Variants in KIRREL1 observed in about 807,000 individuals in gnomAD.
KIRREL1 encodes the protein kin of IRRE-like protein 1.
KIRREL1 carries 25 observed loss-of-function variants against 83.3 expected under a neutral mutation model. The observed-to-expected ratio is 0.30, with a 90% confidence interval of 0.22 to 0.42. The LOEUF (loss-of-function observed/expected upper bound fraction) is 0.42, where lower values mean the gene tolerates loss of function less well. Among genes scored for constraint, KIRREL1 ranks in the 10% least tolerant of loss-of-function variants. The probability of loss-of-function intolerance (pLI) is 1.00; values close to 1 mark genes in which losing one functional copy is unlikely to be tolerated. For missense variants in KIRREL1, 812 were observed against 1,032.3 expected (o/e 0.79, Z 2.92); for synonymous variants, 388 against 410.4 (o/e 0.95, Z 0.66).
intron 1 of KIRREL1, among the ~76,000 whole-genome samples, chr1:158,027,308 G>T (rs1221828276): frequency 6.6e-6 from 1 of 152,216 alleles, no homozygotes; most frequent in East Asian, 1.9e-4. Flanking sequence ...GAGCTTCCAT[G>T]CCTTCTCTGG....
chr1:158,047,937 A>C (rs1020371489), intron 1 of KIRREL1, among the ~76,000 whole-genome samples: 1 of 152,312 alleles, frequency 6.6e-6, no homozygotes, highest in African/African-American at 2.4e-5. Context: ...TGGTTTCTGC[A>C]AAAGAATCTG....
chr1:158,067,439 G>A (rs1481318616), intron 1 of KIRREL1, among the ~76,000 whole-genome samples: 1 of 152,180 alleles, frequency 6.6e-6, no homozygotes, highest in Non-Finnish European at 1.5e-5. Flanking sequence ...ATGGGCCCAG[G>A]TACACTAGTT....
At chr1:158,092,599 G>A (rs573428378) in intron 11 of KIRREL1, among the ~76,000 whole-genome samples, 11 of 152,092 alleles carry the variant, frequency 7.2e-5, no homozygotes, top group East Asian at 1.9e-4. Context: ...CACCCACCTC[G>A]GCCTCCCAAA....
intron 1 of KIRREL1, among the ~76,000 whole-genome samples, chr1:158,070,825 A>G (rs1661490653): frequency 6.6e-6 from 1 of 152,072 alleles, no homozygotes; most frequent in Non-Finnish European, 1.5e-5. Flanking sequence ...AGAAGCACAG[A>G]GCTGCCACGC....
chr1:158,078,099 AGGCCGCCCTGCGCTCTCGGCG>A lies in KIRREL1; in HGVS notation c.316_336del (p.Ala106_Ala112del). 1 of 1,613,770 alleles carries A rather than the reference AGGCCGCCCTGCGCTCTCGGCG, an allele frequency of 6.2e-7. No individual in the cohort carries two copies. The highest frequency in any genetic ancestry group is 8.5e-7 in the Non-Finnish European group (1 of 1,179,936). On this transcript the variant is annotated inframe_deletion, in exon 3 of 15. Coordinates refer to ENST00000359209, the MANE Select transcript of KIRREL1 (RefSeq NM_018240.7). ...GCCTCTTACGAGTGCCAGGCCACGG[AGGCCGCCCTGCGCTCTCGGCG>A]GGCCAAACTCACCGTGCTCAGTAAG...
At chr1:158,056,902 G>T (rs1397646137) in intron 1 of KIRREL1, among the ~76,000 whole-genome samples, 1 of 152,140 alleles carries the variant, frequency 6.6e-6, no homozygotes, top group African/African-American at 2.4e-5. Flanking sequence ...TTCTAAAACA[G>T]GGAAGGAGTC....
intron 1 of KIRREL1, among the ~76,000 whole-genome samples, chr1:158,069,966 A>T (rs1233631538): frequency 6.6e-6 from 1 of 152,184 alleles, no homozygotes; most frequent in East Asian, 1.9e-4. Flanking sequence ...TTTATGAATC[A>T]CCAAAACCTC....
At chr1:158,062,688 A>G (rs1488069035) in intron 1 of KIRREL1, among the ~76,000 whole-genome samples, 1 of 152,272 alleles carries the variant, frequency 6.6e-6, no homozygotes, top group Non-Finnish European at 1.5e-5. Flanking sequence ...AATGCAAACA[A>G]GGACACATGT....
chr1:158,016,729 T>C (rs1421394494), intron 1 of KIRREL1, among the ~76,000 whole-genome samples: 1 of 152,206 alleles, frequency 6.6e-6, no homozygotes, highest in African/African-American at 2.4e-5. Context: ...GATTTTTCCA[T>C]GGTTAATCTC....
intron 1 of KIRREL1, among the ~76,000 whole-genome samples, chr1:158,000,532 T>C (rs914447236): frequency 1.3e-5 from 2 of 152,238 alleles, no homozygotes; most frequent in Non-Finnish European, 2.9e-5. Context: ...CTACGTCTGA[T>C]TGTCAGACAA....
Position 158,093,339 on chromosome 1 carries a change from A to C in KIRREL1, c.1472A>C (p.Glu491Ala). The change falls in exon 12 of 15, where the codon GAG (glutamate) becomes GCG (alanine). Residue 491 changes from glutamate to alanine, a missense_variant and splice_region_variant. Coordinates refer to ENST00000359209, the MANE Select transcript of KIRREL1 (RefSeq NM_018240.7). ...GTAIIQLEER[E>A]VLPVGIIAGA... ...TCCACCTTTCCTTCCCCATCGAAAG[A>C]GGTGTTACCTGTGGGCATCATAGCT... is the stretch of plus-strand genomic sequence containing the variant. The C allele has an allele frequency of 6.2e-7, 1 of 1,613,148 alleles. No individual in the cohort carries two copies. The highest frequency in any genetic ancestry group is 1.3e-5 in the African/African-American group (1 of 75,052).
At position 158,084,423 on chromosome 1, in the gene KIRREL1, C is replaced by T. The variant is rs1023696560; in HGVS notation, c.354C>T (p.Ile118=). 1.8e-5 allele frequency: 28 copies of T among 1,549,006 alleles called. No homozygotes were observed. The highest frequency in any genetic ancestry group is 1.4e-4 in the African/African-American group (10 of 73,094). ...RSRRAKLTVL[I]PPEDTRIDGG... ...ACTTTGCTCTGCTTTCTCCCACAGT[C>T]CCCCCAGAGGACACCAGGATTGACG... is the stretch of plus-strand genomic sequence containing the variant. The change falls in exon 4 of 15, where the codon ATC becomes ATT. Residue 118 remains isoleucine (I), a splice_region_variant and synonymous_variant. Transcript: ENST00000359209.
rs1294414217 is a variant in KIRREL1 at position 158,098,808 on chromosome 1, T to C, written c.*3688T>C. 1 of 152,212 alleles carries C rather than the reference T, an allele frequency of 6.6e-6. No homozygotes were observed. The highest frequency in any genetic ancestry group is 1.5e-5 in the Non-Finnish European group (1 of 68,042). 9.4% of individuals were successfully genotyped at this position (152,212 alleles called of 1,614,324 possible). A position where few individuals can be genotyped will look rare whatever the true frequency, so the allele number is the denominator to read the frequency against. Reference sequence around the variant, plus strand: ...CTTCAAGCGGTACGCTCTCCCCTTATTCCAGCAGGGCTACTTTCCTCTTCA... The same window carrying C: ...CTTCAAGCGGTACGCTCTCCCCTTACTCCAGCAGGGCTACTTTCCTCTTCA... On this transcript the variant is annotated 3_prime_UTR_variant, in exon 15 of 15. Coordinates refer to ENST00000359209, the MANE Select transcript of KIRREL1 (RefSeq NM_018240.7).
chr1:158,040,652 C>T (rs1660598849), intron 1 of KIRREL1, among the ~76,000 whole-genome samples: 1 of 152,194 alleles, frequency 6.6e-6, no homozygotes, highest in Admixed American at 6.5e-5. Context: ...TTTTATAACA[C>T]AGAGCAGTTT....
chr1:158,033,064 C>T (rs1370117185), intron 1 of KIRREL1, among the ~76,000 whole-genome samples: 4 of 151,996 alleles, frequency 2.6e-5, no homozygotes, highest in Admixed American at 2.6e-4. Flanking sequence ...AGCCACTGCG[C>T]CCGGCCGGGA....
chr1:158,077,245 G>A (rs1661705643), intron 2 of KIRREL1, among the ~76,000 whole-genome samples: 1 of 152,144 alleles, frequency 6.6e-6, no homozygotes. Context: ...ATCCATATAA[G>A]GGAAAGAGAT....
Position 158,093,398 on chromosome 1 carries a change from T to C in KIRREL1, c.1531T>C (p.Phe511Leu), listed in dbSNP as rs773983248. The C allele has an allele frequency of 1.9e-6, 3 of 1,614,082 alleles. No homozygotes were observed. Among genetic ancestry groups the C allele is most frequent in the Admixed American group, 1.7e-5 (1 of 60,008 alleles). ...ATIGASILLI[F>L]FFIALVFFLY... ...CATCGGCGCGAGCATCCTGCTCATCTTCTTCTTCATCGCCTTGGTATTCTT... is the reference window on the plus strand; with the variant it reads ...CATCGGCGCGAGCATCCTGCTCATCCTCTTCTTCATCGCCTTGGTATTCTT... The change falls in exon 12 of 15, where the codon TTC (phenylalanine) becomes CTC (leucine). Residue 511 changes from phenylalanine (F) to leucine (L), a missense_variant. This residue lies in a region of KIRREL1 where 334 missense variants were observed against 383.7 expected (regional missense o/e 0.87). Coordinates refer to ENST00000359209, the MANE Select transcript of KIRREL1 (RefSeq NM_018240.7).
intron 4 of KIRREL1, 24 bp downstream of exon 4, chr1:158,084,603 GCTC>G: frequency 6.5e-7 from 1 of 1,549,658 alleles, no homozygotes; most frequent in Non-Finnish European, 8.7e-7. Flanking sequence ...AGCTCCCCCA[GCTC>G]CTCCTGGGCC....
intron 3 of KIRREL1, among the ~76,000 whole-genome samples, chr1:158,080,481 G>A (rs768801213): frequency 6.6e-6 from 1 of 152,204 alleles, no homozygotes; most frequent in Non-Finnish European, 1.5e-5. Flanking sequence ...CAGGAGAGCC[G>A]ACTGGCTTGT....
Sources: gnomAD v4.1 joint callset for allele counts (sites outside exome capture counted in the v4.1 genomes callset) on GRCh38, gnomAD v4.1.1 for gene constraint, gnomAD v4.1.1 regional missense constraint, MANE v1.5 for transcripts, NCBI Gene and HGNC (gene_info 2026-07-23, HGNC 2026-07-21) for gene names.